SAMD5: variants seen among roughly 807,000 people sequenced by gnomAD.
The protein encoded by SAMD5 is sterile alpha motif domain containing 5.
SAMD5 carries 13 observed loss-of-function variants against 11.3 expected under a neutral mutation model. That is an observed-to-expected ratio of 1.15 (90% CI 0.75 to 1.83). The LOEUF is 1.83. Ranked by LOEUF, SAMD5 falls within the 40% of genes most tolerant of loss-of-function variation. The probability of loss-of-function intolerance (pLI) is 0.00; values close to 1 mark genes in which losing one functional copy is unlikely to be tolerated. For missense variants in SAMD5, 255 were observed against 239.1 expected, an observed-to-expected ratio of 1.07 and a Z score of -0.44; for synonymous variants, 129 against 111.3, an observed-to-expected ratio of 1.16 and a Z score of -1.00.
chr6:147,825,173 C>T, the SAMD5 span, among the ~76,000 whole-genome samples: 2 of 151,998 alleles, frequency 1.3e-5, no homozygotes, highest in Admixed American at 1.3e-4. Context: ...TGGTGCATGC[C>T]TGTAATCCTA....
At chr6:147,571,832 G>A (rs1789142766), downstream of SAMD5, among the ~76,000 whole-genome samples, 1 of 152,106 alleles carries the variant, frequency 6.6e-6, no homozygotes, top group African/African-American at 2.4e-5. Flanking sequence ...CTTAAATCCA[G>A]TCTCTTGGTT....
the SAMD5 span, among the ~76,000 whole-genome samples, chr6:147,816,301 A>AATATATATATATATAT: frequency 5.3e-4 from 35 of 66,338 alleles, no homozygotes; most frequent in African/African-American, 1.0e-3. Context: ...AAAAAAAAAA[A>AATATATATATATATAT]ATATATATAT....
the SAMD5 span, among the ~76,000 whole-genome samples, chr6:147,828,713 T>A: frequency 2.6e-5 from 4 of 152,190 alleles, no homozygotes; most frequent in African/African-American, 9.7e-5. Context: ...GAGTTAATAC[T>A]CCTTAATAAA....
At chr6:147,536,742 T>C (rs568318125) in intron 1 of SAMD5, among the ~76,000 whole-genome samples, 10 of 152,216 alleles carry the variant, frequency 6.6e-5, no homozygotes, top group African/African-American at 1.9e-4. Context: ...ATTATAATTA[T>C]TGATAATGTA....
intron 1 of SAMD5, among the ~76,000 whole-genome samples, chr6:147,666,118 T>TA (rs1239322295): frequency 4.6e-5 from 7 of 152,318 alleles, no homozygotes; most frequent in African/African-American, 1.7e-4. Context: ...TTTGTATTTT[T>TA]AGTAGAGACG....
the SAMD5 span, among the ~76,000 whole-genome samples, chr6:147,839,217 G>A: frequency 1.3e-5 from 2 of 152,112 alleles, no homozygotes; most frequent in South Asian, 2.1e-4. Flanking sequence ...CCTGATAAAA[G>A]GGACCACATC....
chr6:147,542,923 C>T (rs148277491), intron 1 of SAMD5, among the ~76,000 whole-genome samples: 48 of 152,138 alleles, frequency 3.2e-4, no homozygotes, highest in Middle Eastern at 3.4e-3. Flanking sequence ...CAGCCCACAC[C>T]CAGGAATAAA....
intron 1 of SAMD5, among the ~76,000 whole-genome samples, chr6:147,693,470 C>T (rs1426301532): frequency 6.6e-6 from 1 of 152,182 alleles, no homozygotes; most frequent in Non-Finnish European, 1.5e-5. Flanking sequence ...CAATAAGGGG[C>T]AGAGAGGGGA....
At chr6:147,712,452 A>T (rs991326527) in intron 1 of SAMD5, among the ~76,000 whole-genome samples, 24 of 152,208 alleles carry the variant, frequency 1.6e-4, no homozygotes, top group African/African-American at 5.8e-4. Flanking sequence ...ATTCACTTAA[A>T]GTCACCTAGC....
Position 147,695,191 on chromosome 6 carries a change from A to G in SAMD5, c.163-42126A>G, listed in dbSNP as rs115992427. 6.4e-3 allele frequency among the ~76,000 whole-genome samples: 981 copies of G among 152,284 alleles called. 13 individuals are homozygous for G. Among genetic ancestry groups the G allele is most frequent in the African/African-American group, 0.022 (921 of 41,564 alleles). Reference sequence around the variant, plus strand: ...AAGATGTTACATTTCTCTTTCTTGGACAATGAACAGAAATTTCTGTGACTT... The same window carrying G: ...AAGATGTTACATTTCTCTTTCTTGGGCAATGAACAGAAATTTCTGTGACTT... On this transcript the variant is annotated intron_variant, in intron 1 of 1. Coordinates refer to the SAMD5 transcript ENST00000566741.
the SAMD5 span, among the ~76,000 whole-genome samples, chr6:147,896,251 C>G: frequency 0.53 from 80,549 of 151,906 alleles, 23,017 homozygotes; most frequent in African/African-American, 0.75. Flanking sequence ...TGTGGTGTGT[C>G]AGGGATAAGA....
chr6:147,640,141 C>T (rs1790288334), intron 1 of SAMD5, among the ~76,000 whole-genome samples: 1 of 151,958 alleles, frequency 6.6e-6, no homozygotes, highest in South Asian at 2.1e-4. Context: ...TCCTGGCCAA[C>T]ATGGTGAAAC....
the SAMD5 span, among the ~76,000 whole-genome samples, chr6:147,859,105 G>A: frequency 1.3e-5 from 2 of 152,164 alleles, no homozygotes; most frequent in African/African-American, 4.8e-5. Context: ...TGTGTTTTGG[G>A]AATTGTCGAG....
the SAMD5 span, among the ~76,000 whole-genome samples, chr6:147,856,813 T>C: frequency 0.01 from 900 of 89,028 alleles, 53 homozygotes; most frequent in African/African-American, 0.049. Context: ...CTTAGTTTTC[T>C]GGGGGCGCGG....
chr6:147,899,535 G>A, the SAMD5 span, among the ~76,000 whole-genome samples: 16 of 152,328 alleles, frequency 1.1e-4, no homozygotes, highest in East Asian at 3.1e-3. Context: ...AGCAGAGCTA[G>A]GCTAGTATTC....
chr6:147,886,719 A>G, the SAMD5 span, among the ~76,000 whole-genome samples: 1 of 152,200 alleles, frequency 6.6e-6, no homozygotes, highest in East Asian at 1.9e-4. Flanking sequence ...AGCTTTGCGC[A>G]GTGGCAGTAT....
the SAMD5 span, among the ~76,000 whole-genome samples, chr6:147,783,895 G>C: frequency 6.6e-6 from 1 of 152,144 alleles, no homozygotes; most frequent in Non-Finnish European, 1.5e-5. Context: ...TGGATTAAGA[G>C]GTGGAATCTG....
At chr6:147,784,255 A>G in the SAMD5 span, among the ~76,000 whole-genome samples, 1 of 152,090 alleles carries the variant, frequency 6.6e-6, no homozygotes, top group Non-Finnish European at 1.5e-5. Context: ...TAGGAAGCAC[A>G]GATGGATGGT....
At chr6:147,649,815 A>G (rs529514460) in intron 1 of SAMD5, among the ~76,000 whole-genome samples, 29 of 151,242 alleles carry the variant, frequency 1.9e-4, no homozygotes, top group South Asian at 6.2e-4. Context: ...AAAAGTACCA[A>G]CAGGTGGAAA....
Sources: gnomAD v4.1 joint callset for allele counts (sites outside exome capture counted in the v4.1 genomes callset) on GRCh38, gnomAD v4.1.1 for gene constraint, MANE v1.5 for transcripts, NCBI Gene and HGNC (gene_info 2026-07-23, HGNC 2026-07-21) for gene names.